ZFYVE16: variants seen among roughly 807,000 people sequenced by gnomAD.
ZFYVE16 encodes the protein zinc finger FYVE-type containing 16.
A neutral mutation model predicts 138.1 loss-of-function variants in ZFYVE16; 89 were observed. The ratio of observed to expected loss-of-function variants is 0.64; its 90% CI spans 0.54 to 0.77. The LOEUF is 0.77. Ranked by LOEUF, ZFYVE16 falls within the 30% of genes least tolerant of loss-of-function variation. The probability of loss-of-function intolerance (pLI) is 0.00; values close to 1 mark genes in which losing one functional copy is unlikely to be tolerated. For synonymous variants in ZFYVE16, 596 were observed against 618.3 expected, an observed-to-expected ratio of 0.96 and a Z score of 0.53; for missense variants, 1,793 against 1,786.7, an observed-to-expected ratio of 1.00 and a Z score of -0.06.
chr5:80,433,265 G>T (rs955380142), intron 2 of ZFYVE16, among the ~76,000 whole-genome samples: 4 of 152,140 alleles, frequency 2.6e-5, no homozygotes, highest in Admixed American at 2.6e-4. Flanking sequence ...CCATAAAAGA[G>T]GATGAGTTCA....
At chr5:80,451,970 T>C (rs574462345) in intron 11 of ZFYVE16, 1 of 390,680 alleles carries the variant, frequency 2.6e-6, no homozygotes, top group Non-Finnish European at 4.6e-6. Flanking sequence ...ACAGAAAACT[T>C]TCACAGTGCA....
intron 11 of ZFYVE16, chr5:80,455,074 A>G (rs1019616989): frequency 6.6e-6 from 1 of 152,252 alleles, no homozygotes; most frequent in African/African-American, 2.4e-5. Flanking sequence ...TTCACCAATT[A>G]TTAGTCACTA....
Position 80,448,279 on chromosome 5 carries a change from C to T in ZFYVE16, c.2978C>T (p.Ala993Val). 1 of 1,613,584 alleles carries T rather than the reference C, an allele frequency of 6.2e-7. No individual in the cohort carries two copies. Among genetic ancestry groups the T allele is most frequent in the Non-Finnish European group, 8.5e-7 (1 of 1,179,906 alleles). The change falls in exon 8 of 19, where the codon GCT becomes GTT. Residue 993 changes from alanine (A) to valine (V), a missense_variant. By Grantham distance (64) the Ala-to-Val change is moderately conservative. Coordinates refer to ENST00000505560, the MANE Select transcript of ZFYVE16 (RefSeq NM_001284236.3). ...GVLVNSNLPIASISDYRLLCD... is the reference protein window; with the variant it reads ...GVLVNSNLPIVSISDYRLLCD... ...TTAGTTAACAGCAATTTACCTATTG[C>T]TAGTATTTCAGATTATAGGTTACTG...
chr5:80,426,507 T>C (rs575089389), intron 1 of ZFYVE16, among the ~76,000 whole-genome samples: 6 of 150,826 alleles, frequency 4.0e-5, no homozygotes, highest in African/African-American at 1.5e-4. Flanking sequence ...CCACGTGTTC[T>C]CATTGTTCAC....
Position 80,448,412 on chromosome 5 carries a change from A to C in ZFYVE16, c.3103+8A>C. The C allele has an allele frequency of 6.8e-7, 1 of 1,478,572 alleles. No individual in the cohort carries two copies. Among genetic ancestry groups the C allele is most frequent in the African/African-American group, 1.4e-5 (1 of 71,264 alleles). The allele number at this position is 1,478,572 out of a possible 1,614,324, so 91.6% of individuals were successfully genotyped here. A position where few individuals can be genotyped will look rare whatever the true frequency, so the allele number is the denominator to read the frequency against. On this transcript the variant is annotated splice_region_variant and intron_variant, in intron 8 of 18. Transcript: ENST00000505560. ...CTGGAGAAAAGGGATCAGGTAGGGA[A>C]GCAGTTATTTAAATTTAAAAAGATT...
intron 10 of ZFYVE16, among the ~76,000 whole-genome samples, chr5:80,451,055 G>A (rs918004770): frequency 7.9e-5 from 12 of 151,980 alleles, no homozygotes; most frequent in Non-Finnish European, 1.3e-4. Flanking sequence ...CAAGTGATCC[G>A]CCCGCCTCAG....
chr5:80,413,427 C>T (rs952272913), intron 1 of ZFYVE16, among the ~76,000 whole-genome samples: 5 of 143,002 alleles, frequency 3.5e-5, no homozygotes, highest in South Asian at 2.2e-4. Context: ...GCTGAGATCG[C>T]GATATTGCAC....
In ZFYVE16 at chr5:80,472,930, A is replaced by AT. The variant is rs1270365204; in HGVS notation, c.4187+14dup. 6 of 1,580,168 alleles carry AT rather than the reference A, an allele frequency of 3.8e-6. No individual in the cohort carries two copies. In the African/African-American group the frequency reaches 4.1e-5, roughly 11 times the overall value. On this transcript the variant is annotated splice_region_variant and intron_variant, in intron 16 of 18. Coordinates refer to ENST00000505560, the MANE Select transcript of ZFYVE16 (RefSeq NM_001284236.3). ...AAGAAAAAGGAAACAAAGGGTAGGA[A>AT]TTTTTTTATTCTAAAATATAATTGA... is the stretch of plus-strand genomic sequence containing the variant.
chr5:80,436,749 A>G lies in ZFYVE16; in HGVS notation c.71-7A>G, dbSNP rs1201216927. ...GTCTCCCGAATAACACTGTTTCTCT[A>G]TTTCAGATGAACAAGATTATCTCCA... On this transcript the variant is annotated splice_region_variant and splice_polypyrimidine_tract_variant and intron_variant, in intron 3 of 18. Coordinates refer to ENST00000505560, the MANE Select transcript of ZFYVE16 (RefSeq NM_001284236.3). 6.3e-7 allele frequency: 1 copy of G among 1,598,328 alleles called. No homozygotes were observed. The highest frequency in any genetic ancestry group is 8.5e-7 in the Non-Finnish European group (1 of 1,170,894).
At position 80,461,518 on chromosome 5, in the gene ZFYVE16, C is replaced by T. The variant is rs370259624; in HGVS notation, c.4024+2024C>T. 3.9e-4 allele frequency among the ~76,000 whole-genome samples: 59 copies of T among 152,284 alleles called. 1 individual carries two copies. In the East Asian group the frequency reaches 6.7e-3, roughly 17 times the overall value. On this transcript the variant is annotated intron_variant, in intron 15 of 18. Transcript: ENST00000505560. ...TAACAAAATACAACAGATTGAGTAG[C>T]GTAAAAAGCATAAATGTATTTTCTC...
chr5:80,455,514 A>G, intron 11 of ZFYVE16, 178 bp from the exon 12 acceptor site: 1 of 552,964 alleles, frequency 1.8e-6, no homozygotes, highest in Non-Finnish European at 3.1e-6. Flanking sequence ...AGCCTGGGCA[A>G]CAGAGTGAGA....
intron 1 of ZFYVE16, among the ~76,000 whole-genome samples, chr5:80,423,965 A>G (rs560745248): frequency 6.7e-6 from 1 of 149,312 alleles, no homozygotes; most frequent in Non-Finnish European, 1.5e-5. Context: ...TTTTTTTTGA[A>G]ATGAAGTTGC....
At chr5:80,428,282 A>G (rs1301350731) in intron 2 of ZFYVE16, among the ~76,000 whole-genome samples, 1 of 152,182 alleles carries the variant, frequency 6.6e-6, no homozygotes, top group Non-Finnish European at 1.5e-5. Context: ...ATGAGGCAGC[A>G]ACATTTGCTG....
At position 80,478,559 on chromosome 5, in the gene ZFYVE16, A is replaced by T. The variant is rs1398230828; in HGVS notation, c.*1182A>T. 1.3e-5 allele frequency: 2 copies of T among 152,078 alleles called. No homozygotes were observed. Among genetic ancestry groups the T allele is most frequent in the Non-Finnish European group, 2.9e-5 (2 of 67,976 alleles). The allele number at this position is 152,078 out of a possible 1,614,324, so 9.4% of individuals were successfully genotyped here. A position where few individuals can be genotyped will look rare whatever the true frequency, so the allele number is the denominator to read the frequency against. On this transcript the variant is annotated 3_prime_UTR_variant, in exon 19 of 19. Transcript: ENST00000505560. ...TTTAAGTTATGTAAAAAATTTAATC[A>T]TTATTTTGATGCTTTAAACATTCTC...
intron 2 of ZFYVE16, among the ~76,000 whole-genome samples, chr5:80,432,125 A>G (rs1176078158): frequency 5.9e-5 from 9 of 152,206 alleles, no homozygotes; most frequent in African/African-American, 2.2e-4. Context: ...CCGCATTGCC[A>G]AGTCGATCCT....
rs186217311 is a variant in ZFYVE16, at chr5:80,453,306, T to C, written c.3607+1597T>C. Among the ~76,000 whole-genome samples, 37 of 152,342 alleles carry C rather than the reference T, an allele frequency of 2.4e-4. No homozygotes were observed. In the East Asian group the frequency reaches 6.5e-3, roughly 27 times the overall value. ...AACAAAGAGCTTAAGAAATTTCACT[T>C]TAAGCCAAATGTTTCATCAATGCAG... On this transcript the variant is annotated intron_variant, in intron 11 of 18. Transcript: ENST00000505560.
chr5:80,443,856 CAG>C (rs1284638651), intron 6 of ZFYVE16: 1 of 456,258 alleles, frequency 2.2e-6, no homozygotes, highest in South Asian at 1.5e-5. Flanking sequence ...TTGCACTTTC[CAG>C]ACTTCCAGCC....
intron 15 of ZFYVE16, among the ~76,000 whole-genome samples, chr5:80,464,875 T>C (rs1032968686): frequency 3.9e-5 from 6 of 152,176 alleles, no homozygotes; most frequent in Admixed American, 3.9e-4. Context: ...CCAAAATGTT[T>C]AACAATATAA....
intron 17 of ZFYVE16, among the ~76,000 whole-genome samples, chr5:80,474,402 A>G (rs1754685257): frequency 6.6e-6 from 1 of 152,180 alleles, no homozygotes; most frequent in African/African-American, 2.4e-5. Flanking sequence ...TCTTTACAGG[A>G]TAGACTCATA....
Sources: allele counts gnomAD v4.1 joint callset (sites outside exome capture counted in the v4.1 genomes callset), GRCh38; gene constraint gnomAD v4.1.1; transcripts MANE v1.5; gene names NCBI Gene and HGNC (gene_info 2026-07-23, HGNC 2026-07-21).